Variants in PSD3 observed in about 807,000 individuals in gnomAD.
PSD3 encodes the protein PH and SEC7 domain-containing protein 3.
PSD3 carries 49 observed loss-of-function variants against 105.5 expected under a neutral mutation model. The observed-to-expected ratio is 0.46, with a 90% CI of 0.37 to 0.59. The LOEUF is 0.59. Among genes scored for constraint, PSD3 ranks in the 20% least tolerant of loss-of-function variants. PSD3 has a pLI of 0.00. For missense variants in PSD3, 1,561 were observed against 1,263.8 expected, an observed-to-expected ratio of 1.24 and a Z score of -3.57; for synonymous variants, 557 against 457.8, an observed-to-expected ratio of 1.22 and a Z score of -2.77.
intron 14 of PSD3, among the ~76,000 whole-genome samples, chr8:18,568,352 C>T (rs550855962): frequency 3.3e-5 from 5 of 152,078 alleles, no homozygotes; most frequent in African/African-American, 4.8e-5. Flanking sequence ...TGGAAAATTG[C>T]TTATCAAGTG....
chr8:18,921,731 T>C (rs781547556), intron 2 of PSD3, among the ~76,000 whole-genome samples: 2 of 152,090 alleles, frequency 1.3e-5, no homozygotes, highest in Non-Finnish European at 2.9e-5. Context: ...TGGGCAAAAG[T>C]ATAAAGTCAT....
chr8:18,568,703 CTTCT>C (rs946359849), intron 14 of PSD3, among the ~76,000 whole-genome samples: 11 of 21,528 alleles, frequency 5.1e-4, no homozygotes, highest in East Asian at 1.1e-3. Flanking sequence ...GTACCTTCTT[CTTCT>C]TTTTTTTTTT....
chr8:18,873,502 C>T (rs866232130), intron 2 of PSD3, among the ~76,000 whole-genome samples: 15 of 151,788 alleles, frequency 9.9e-5, no homozygotes, highest in Admixed American at 7.2e-4. Context: ...TTAATATATG[C>T]GTACCTTTGT....
intron 14 of PSD3, among the ~76,000 whole-genome samples, chr8:18,558,470 G>T (rs1346683428): frequency 6.6e-6 from 1 of 152,114 alleles, no homozygotes; most frequent in Non-Finnish European, 1.5e-5. Context: ...ACACATGTAC[G>T]TGCTCATCTC....
intron 2 of PSD3, among the ~76,000 whole-genome samples, chr8:18,904,187 G>C (rs1447096747): frequency 6.6e-6 from 1 of 152,142 alleles, no homozygotes; most frequent in East Asian, 1.9e-4. Flanking sequence ...ACAAGAGAGA[G>C]AGAAGGAGGT....
chr8:18,782,506 G>A (rs1481583278), intron 8 of PSD3, among the ~76,000 whole-genome samples: 1 of 152,174 alleles, frequency 6.6e-6, no homozygotes, highest in Non-Finnish European at 1.5e-5. Flanking sequence ...GCTGTAGTGA[G>A]GCTTTGCTAG....
At chr8:18,854,593 A>C (rs2129453225) in intron 4 of PSD3, among the ~76,000 whole-genome samples, 1 of 152,330 alleles carries the variant, frequency 6.6e-6, no homozygotes, top group East Asian at 1.9e-4. Flanking sequence ...AATAGCACTA[A>C]AGTTTTTTGA....
At chr8:18,961,050 T>C (rs1823880732) in intron 1 of PSD3, among the ~76,000 whole-genome samples, 1 of 151,586 alleles carries the variant, frequency 6.6e-6, no homozygotes, top group African/African-American at 2.4e-5. Context: ...AGTAACAGAG[T>C]CACTGCCCTC....
At chr8:18,780,174 T>C (rs1220090056) in intron 8 of PSD3, among the ~76,000 whole-genome samples, 2 of 152,212 alleles carry the variant, frequency 1.3e-5, no homozygotes, top group East Asian at 1.9e-4. Flanking sequence ...CATTATAGAA[T>C]TACCTTCTTT....
chr8:19,075,487 T>C (rs1183174131), intron 1 of PSD3, among the ~76,000 whole-genome samples: 1 of 152,246 alleles, frequency 6.6e-6, no homozygotes, highest in African/African-American at 2.4e-5. Flanking sequence ...TCTTTCCTAA[T>C]GAATTATGAA....
At chr8:18,707,039 T>C (rs1801944733) in intron 9 of PSD3, among the ~76,000 whole-genome samples, 2 of 152,212 alleles carry the variant, frequency 1.3e-5, no homozygotes, top group African/African-American at 4.8e-5. Context: ...AATGCAATCT[T>C]GACTACTTCT....
chr8:18,620,200 C>G (rs1806002029), intron 11 of PSD3, among the ~76,000 whole-genome samples: 1 of 152,170 alleles, frequency 6.6e-6, no homozygotes, highest in South Asian at 2.1e-4. Flanking sequence ...TTTCAAGATG[C>G]TCACCTTTTG....
intron 1 of PSD3, among the ~76,000 whole-genome samples, chr8:19,059,781 C>T (rs982213605): frequency 1.3e-5 from 2 of 152,170 alleles, no homozygotes; most frequent in Non-Finnish European, 1.5e-5. Flanking sequence ...AGTTCATGGC[C>T]TTTCTCTTGG....
In PSD3 at chr8:19,076,308, A is replaced by AAAG. The variant is rs543602444; in HGVS notation, c.324+7897_324+7898insCTT. On this transcript the variant is annotated intron_variant, in intron 1 of 1. Transcript: ENST00000521475. ...TAGAGCTGGATCTACTTGCCTTGCAATAGAAACAAATTTGTTTTCTAGTTT... is the reference window on the plus strand; with the variant it reads ...TAGAGCTGGATCTACTTGCCTTGCAAAAGTAGAAACAAATTTGTTTTCTAGTTT... Among the ~76,000 whole-genome samples, 774 of 152,324 alleles carry AAAG rather than the reference A, an allele frequency of 5.1e-3. 9 individuals carry two copies. The highest frequency in any genetic ancestry group is 0.018 in the African/African-American group (741 of 41,562).
At chr8:18,565,787 G>A (rs1213543660) in intron 14 of PSD3, among the ~76,000 whole-genome samples, 1 of 152,176 alleles carries the variant, frequency 6.6e-6, no homozygotes, top group Non-Finnish European at 1.5e-5. Context: ...GGCTAAAGCA[G>A]TGGTTCTCAA....
intron 2 of PSD3, among the ~76,000 whole-genome samples, chr8:18,930,789 C>A (rs939694081): frequency 1.3e-5 from 2 of 152,086 alleles, no homozygotes; most frequent in East Asian, 3.9e-4. Flanking sequence ...AGGATGGTCT[C>A]CATCTCTTGA....
At chr8:18,896,590 T>A (rs1162563799) in intron 2 of PSD3, among the ~76,000 whole-genome samples, 1 of 152,056 alleles carries the variant, frequency 6.6e-6, no homozygotes, top group Admixed American at 6.5e-5. Flanking sequence ...TTTTTGTATT[T>A]TTTGTAGAGA....
chr8:18,584,594 A>T (rs908188309), intron 12 of PSD3, among the ~76,000 whole-genome samples: 1 of 152,216 alleles, frequency 6.6e-6, no homozygotes, highest in Admixed American at 6.5e-5. Flanking sequence ...CTAACAAACC[A>T]GTCTCATTTC....
intron 11 of PSD3, 65 bp from the exon 12 acceptor site, chr8:18,600,499 G>A (rs751294412): frequency 3.7e-4 from 472 of 1,268,022 alleles, no homozygotes; most frequent in Middle Eastern, 9.5e-4. Context: ...GAATCTAAAT[G>A]ATCAACATGG....
Sources: gnomAD v4.1 joint callset for allele counts (sites outside exome capture counted in the v4.1 genomes callset) on GRCh38, gnomAD v4.1.1 for gene constraint, MANE v1.5 for transcripts, NCBI Gene and HGNC (gene_info 2026-07-23, HGNC 2026-07-21) for gene names.